The following MACROD2 variants were observed in gnomAD, a reference collection of about 807,000 sequenced individuals.
The protein encoded by MACROD2 is mono-ADP ribosylhydrolase 2.
Under a neutral mutation model 70.4 loss-of-function variants are expected in MACROD2, and 36 were observed. That is an observed-to-expected ratio of 0.51 (90% CI 0.39 to 0.68). MACROD2 has a LOEUF of 0.68. MACROD2 is among the 30% of genes least tolerant of loss of function. The pLI is 0.00. For missense variants in MACROD2, 496 were observed against 538.4 expected, an observed-to-expected ratio of 0.92 and a Z score of 0.78; for synonymous variants, 172 against 178.8, an observed-to-expected ratio of 0.96 and a Z score of 0.30.
At chr20:15,411,698 C>A (rs2046081217) in intron 6 of MACROD2, among the ~76,000 whole-genome samples, 1 of 152,156 alleles carries the variant, frequency 6.6e-6, no homozygotes, top group Non-Finnish European at 1.5e-5. Context: ...GTTTTGGCTA[C>A]AGTTGAGTTT....
Position 15,652,660 on chromosome 20 carries a change from T to C in MACROD2, c.645+152813T>C, listed in dbSNP as rs2049662753. ...GATTAATAATCAAGATGTAAACTCA[T>C]AAGTGCTAAAAGTGTGAATGCCACA... On this transcript the variant is annotated intron_variant, in intron 8 of 17. Coordinates refer to ENST00000684519, the MANE Select transcript of MACROD2 (RefSeq NM_001351661.2). Among the ~76,000 whole-genome samples the C allele has an allele frequency of 2.6e-5, 4 of 152,136 alleles. No homozygotes were observed. The South Asian group carries it at 6.2e-4, about 24-fold the overall frequency.
chr20:15,933,460 T>C (rs2065610631), intron 11 of MACROD2, 122 bp downstream of exon 11: 3 of 864,634 alleles, frequency 3.5e-6, no homozygotes, highest in African/African-American at 3.4e-5. Flanking sequence ...CCAGTGTTCA[T>C]TCAGGGTCTC....
chr20:14,782,029 T>C (rs531074734), intron 5 of MACROD2, among the ~76,000 whole-genome samples: 1 of 152,014 alleles, frequency 6.6e-6, no homozygotes, highest in Non-Finnish European at 1.5e-5. Flanking sequence ...GTTCAAGTGA[T>C]CCTCCCACCT....
At chr20:16,003,643 A>G (rs1376626610) in intron 15 of MACROD2, among the ~76,000 whole-genome samples, 1 of 152,138 alleles carries the variant, frequency 6.6e-6, no homozygotes, top group East Asian at 1.9e-4. Context: ...TTTCTGGTTT[A>G]GTAGATCTGG....
At chr20:15,642,137 A>T (rs1177086112) in intron 8 of MACROD2, among the ~76,000 whole-genome samples, 12 of 152,224 alleles carry the variant, frequency 7.9e-5, no homozygotes, top group African/African-American at 2.7e-4. Flanking sequence ...CCCCAAGCTT[A>T]CAAAAGATTC....
intron 8 of MACROD2, among the ~76,000 whole-genome samples, chr20:15,815,504 T>A (rs1386580774): frequency 6.6e-6 from 1 of 152,124 alleles, no homozygotes; most frequent in Non-Finnish European, 1.5e-5. Context: ...ATGCCTCCTT[T>A]TATCCCAATC....
chr20:15,764,406 G>A (rs6043526), intron 8 of MACROD2, among the ~76,000 whole-genome samples: 1 of 152,072 alleles, frequency 6.6e-6, no homozygotes, highest in Non-Finnish European at 1.5e-5. Context: ...ATGTCTAATA[G>A]GCATCTTAAA....
At chr20:15,209,004 G>A (rs990020180) in intron 5 of MACROD2, among the ~76,000 whole-genome samples, 10 of 152,120 alleles carry the variant, frequency 6.6e-5, no homozygotes, top group African/African-American at 2.4e-4. Context: ...ACAGGGGAAG[G>A]GATGAAGCCT....
intron 5 of MACROD2, among the ~76,000 whole-genome samples, chr20:15,088,425 ATATATATATATATATATATATATAT>A (rs2075767159): frequency 2.8e-5 from 1 of 36,182 alleles, no homozygotes; most frequent in Non-Finnish European, 9.7e-5. Flanking sequence ...ATATATATAT[ATATATATATATATATATATATATAT>A]AATATTTTGT....
chr20:14,485,701 C>CA (rs1276490399), intron 3 of MACROD2, among the ~76,000 whole-genome samples: 18,094 of 61,034 alleles, frequency 0.3, 2,621 homozygotes, highest in Admixed American at 0.35. Context: ...GACTCCGTCT[C>CA]AAAAAAAAAA....
At chr20:16,028,866 C>T (rs1323075855) in intron 15 of MACROD2, among the ~76,000 whole-genome samples, 1 of 152,172 alleles carries the variant, frequency 6.6e-6, no homozygotes, top group Non-Finnish European at 1.5e-5. Context: ...AGATGGCATA[C>T]AATCAATTGT....
At chr20:14,791,173 A>G (rs183347117) in intron 5 of MACROD2, among the ~76,000 whole-genome samples, 286 of 152,180 alleles carry the variant, frequency 1.9e-3, no homozygotes, top group Non-Finnish European at 3.3e-3. Context: ...CAAAAAAGCT[A>G]ATTTAATAAT....
intron 5 of MACROD2, among the ~76,000 whole-genome samples, chr20:14,826,016 T>G (rs1054056849): frequency 6.6e-6 from 1 of 152,164 alleles, no homozygotes; most frequent in Non-Finnish European, 1.5e-5. Context: ...GAAGAGCTGG[T>G]GACCTATCAT....
At chr20:14,857,912 C>G (rs2073272749) in intron 5 of MACROD2, among the ~76,000 whole-genome samples, 1 of 152,018 alleles carries the variant, frequency 6.6e-6, no homozygotes, top group African/African-American at 2.4e-5. Context: ...CCTCCGCCTC[C>G]CGGGTTCAAG....
chr20:14,058,376 A>G (rs1466628947), intron 2 of MACROD2, among the ~76,000 whole-genome samples: 2 of 151,852 alleles, frequency 1.3e-5, no homozygotes, highest in East Asian at 1.9e-4. Context: ...GTTTGCCTAT[A>G]TGTTCTCACA....
intron 3 of MACROD2, among the ~76,000 whole-genome samples, chr20:14,137,673 A>G (rs2054817788): frequency 6.6e-6 from 1 of 152,198 alleles, no homozygotes; most frequent in African/African-American, 2.4e-5. Flanking sequence ...TGAAACTGTG[A>G]AACTCCTAGA....
chr20:13,996,700 CTT>C (rs1318360375), intron 1 of MACROD2, among the ~76,000 whole-genome samples: 3 of 152,152 alleles, frequency 2.0e-5, no homozygotes, highest in African/African-American at 7.2e-5. Flanking sequence ...AATATTCTAA[CTT>C]GAGTGTCTCT....
At chr20:14,877,842 T>G (rs1298474785) in intron 5 of MACROD2, among the ~76,000 whole-genome samples, 1 of 152,058 alleles carries the variant, frequency 6.6e-6, no homozygotes, top group Non-Finnish European at 1.5e-5. Context: ...CATGGTGAAT[T>G]AACTTTTCTG....
intron 8 of MACROD2, among the ~76,000 whole-genome samples, chr20:15,557,463 A>G (rs1280142864): frequency 6.6e-6 from 1 of 152,198 alleles, no homozygotes; most frequent in Non-Finnish European, 1.5e-5. Context: ...AAACACACAC[A>G]CCAAAGACAA....
Sources: gnomAD v4.1 joint callset for allele counts (sites outside exome capture counted in the v4.1 genomes callset) on GRCh38, gnomAD v4.1.1 for gene constraint, MANE v1.5 for transcripts, NCBI Gene and HGNC (gene_info 2026-07-23, HGNC 2026-07-21) for gene names.